Variants in EPHA3 observed in about 807,000 individuals in gnomAD.
EPHA3 encodes the protein ephrin type-A receptor 3.
EPHA3 carries 42 observed loss-of-function variants against 107.1 expected under a neutral mutation model. The ratio of observed to expected loss-of-function variants is 0.39; its 90% CI spans 0.31 to 0.51. EPHA3 has a LOEUF of 0.51. Ranked by LOEUF, EPHA3 falls within the 20% of genes least tolerant of loss-of-function variation. The pLI, the probability that EPHA3 is intolerant of heterozygous loss-of-function variation, is 0.78. For missense variants in EPHA3, 1,183 were observed against 1,211.2 expected (o/e 0.98, Z 0.35); for synonymous variants, 461 against 424.8 (o/e 1.09, Z -1.05).
At position 89,482,105 on chromosome 3, in the gene EPHA3, C is replaced by T. The variant is rs1186208844; in HGVS notation, c.*2603C>T. 9.8e-6 allele frequency: 2 copies of T among 204,350 alleles called. No homozygotes were observed. The highest frequency in any genetic ancestry group is 4.6e-5 in the African/African-American group (2 of 43,822). 12.7% of individuals were successfully genotyped at this position (204,350 alleles called of 1,614,324 possible). ...GAAACATTTATATTTTTATAATAAA[C>T]ATAATGAAAATATTTTTTACAGATT... On this transcript the variant is annotated 3_prime_UTR_variant, in exon 17 of 17. Coordinates refer to ENST00000336596, the MANE Select transcript of EPHA3 (RefSeq NM_005233.6).
intron 11 of EPHA3, among the ~76,000 whole-genome samples, chr3:89,420,000 T>C (rs1709325856): frequency 1.3e-5 from 2 of 151,404 alleles, no homozygotes; most frequent in Non-Finnish European, 3.0e-5. Flanking sequence ...ATGATAGAGA[T>C]GTGAACTTAT....
At chr3:89,154,508 A>G (rs1704756183) in intron 2 of EPHA3, among the ~76,000 whole-genome samples, 1 of 151,980 alleles carries the variant, frequency 6.6e-6, no homozygotes, top group South Asian at 2.1e-4. Context: ...ATAATTTCAA[A>G]AATACTGATT....
At chr3:89,452,794 G>C (rs1359304549) in intron 15 of EPHA3, among the ~76,000 whole-genome samples, 1 of 152,028 alleles carries the variant, frequency 6.6e-6, no homozygotes, top group Non-Finnish European at 1.5e-5. Context: ...CTTTCTTCCT[G>C]TATTTCCTGC....
chr3:89,354,379 A>G (rs1460989430), intron 5 of EPHA3, among the ~76,000 whole-genome samples: 2 of 151,240 alleles, frequency 1.3e-5, no homozygotes, highest in African/African-American at 2.4e-5. Flanking sequence ...ATATTTCAGC[A>G]TCTCCCAAAG....
At chr3:89,438,269 C>T (rs532610785) in intron 13 of EPHA3, among the ~76,000 whole-genome samples, 11 of 151,878 alleles carry the variant, frequency 7.2e-5, no homozygotes, top group Non-Finnish European at 1.0e-4. Context: ...TCACTACACC[C>T]GGCTAATTTT....
intron 2 of EPHA3, among the ~76,000 whole-genome samples, chr3:89,136,329 G>GGTTTTTTTTT (rs1559747476): frequency 4.2e-5 from 1 of 23,870 alleles, no homozygotes; most frequent in African/African-American, 1.9e-4. Flanking sequence ...AATCTTACAG[G>GGTTTTTTTTT]CTTTTTTTTT....
intron 3 of EPHA3, among the ~76,000 whole-genome samples, chr3:89,251,550 G>T (rs544994303): frequency 6.6e-6 from 1 of 151,990 alleles, no homozygotes; most frequent in Non-Finnish European, 1.5e-5. Flanking sequence ...AATTAATAGA[G>T]ATAGAAACCA....
intron 3 of EPHA3, among the ~76,000 whole-genome samples, chr3:89,309,960 A>G (rs1706724586): frequency 1.3e-5 from 2 of 151,878 alleles, no homozygotes; most frequent in South Asian, 4.2e-4. Flanking sequence ...AATCTTGTGA[A>G]TTAAAACTTG....
At position 89,207,783 on chromosome 3, in the gene EPHA3, G is replaced by A. The variant is rs71322862; in HGVS notation, c.154-2077G>A. On this transcript the variant is annotated intron_variant, in intron 2 of 16. Transcript: ENST00000336596. ...TTTAAATATTTTCTCTAAGAAAAAC[G>A]TTTTGTTGTATTCCCATGAATAACT... Among the ~76,000 whole-genome samples the A allele has an allele frequency of 5.3e-3, 808 of 151,964 alleles. 6 individuals carry two copies. Among genetic ancestry groups the A allele is most frequent in the Non-Finnish European group, 9.9e-3 (671 of 67,940 alleles).
chr3:89,202,529 AAAAAAAT>A (rs1381909402), intron 2 of EPHA3, among the ~76,000 whole-genome samples: 1,408 of 36,624 alleles, frequency 0.038, 7 homozygotes, highest in African/African-American at 0.062. Context: ...AAAAAAAAAA[AAAAAAAT>A]ATATATATAT....
At chr3:89,153,519 C>A (rs62274620) in intron 2 of EPHA3, among the ~76,000 whole-genome samples, 85,270 of 151,746 alleles carry the variant, frequency 0.56, 24,321 homozygotes, top group Admixed American at 0.65. Flanking sequence ...AGGTATCAGG[C>A]CAAAATCTCT....
intron 3 of EPHA3, among the ~76,000 whole-genome samples, chr3:89,280,807 G>A (rs1705928020): frequency 6.6e-6 from 1 of 152,094 alleles, no homozygotes; most frequent in East Asian, 1.9e-4. Context: ...GAGTAGGGTA[G>A]ATTTTGAGTT....
chr3:89,133,309 G>T (rs796561858), intron 2 of EPHA3, among the ~76,000 whole-genome samples: 33 of 152,242 alleles, frequency 2.2e-4, no homozygotes, highest in African/African-American at 7.7e-4. Context: ...ACAAAAGTTC[G>T]CATACAATCT....
chr3:89,264,607 A>T (rs1705494198), intron 3 of EPHA3, among the ~76,000 whole-genome samples: 1 of 152,192 alleles, frequency 6.6e-6, no homozygotes, highest in Non-Finnish European at 1.5e-5. Context: ...TATAAAGTTG[A>T]GTAATTTCAC....
At chr3:89,467,639 A>G (rs559848164) in intron 15 of EPHA3, among the ~76,000 whole-genome samples, 1 of 152,192 alleles carries the variant, frequency 6.6e-6, no homozygotes, top group Non-Finnish European at 1.5e-5. Context: ...ATTTTTATGC[A>G]CCTATTTACA....
intron 3 of EPHA3, among the ~76,000 whole-genome samples, chr3:89,313,666 C>A (rs914471370): frequency 4.0e-5 from 6 of 151,736 alleles, no homozygotes; most frequent in Middle Eastern, 3.2e-3. Context: ...TGTATTATAT[C>A]ATATATTTTA....
At chr3:89,218,661 A>G (rs1704276981) in intron 3 of EPHA3, among the ~76,000 whole-genome samples, 1 of 152,126 alleles carries the variant, frequency 6.6e-6, no homozygotes, top group Admixed American at 6.5e-5. Context: ...CAGTAACGGG[A>G]TTGCTGGGTC....
intron 1 of EPHA3, among the ~76,000 whole-genome samples, chr3:89,118,631 A>C (rs564257242): frequency 4.9e-4 from 74 of 152,026 alleles, no homozygotes; most frequent in Non-Finnish European, 8.8e-4. Flanking sequence ...AAGAATCATT[A>C]AAATGAGTCA....
At chr3:89,134,224 T>TAAAA (rs200749972) in intron 2 of EPHA3, among the ~76,000 whole-genome samples, 5,808 of 149,762 alleles carry the variant, frequency 0.039, 326 homozygotes, top group African/African-American at 0.13. Flanking sequence ...TTTTTTTTTT[T>TAAAA]AAAAAAATTA....
Sources: allele counts gnomAD v4.1 joint callset (sites outside exome capture counted in the v4.1 genomes callset), GRCh38; gene constraint gnomAD v4.1.1; transcripts MANE v1.5; gene names NCBI Gene and HGNC (gene_info 2026-07-23, HGNC 2026-07-21).